The following ZFHX3 variants were observed in gnomAD, a reference collection of about 807,000 sequenced individuals.
ZFHX3 encodes the protein zinc finger homeobox protein 3.
Under a neutral mutation model 279.1 loss-of-function variants are expected in ZFHX3, and 42 were observed. The observed-to-expected ratio is 0.15, with a 90% CI of 0.12 to 0.19. The LOEUF (loss-of-function observed/expected upper bound fraction) is 0.19, where lower values mean the gene tolerates loss of function less well. ZFHX3 is among the 10% of genes least tolerant of loss of function. The pLI is 1.00. For missense variants in ZFHX3, 4,981 were observed against 4,754.0 expected, an observed-to-expected ratio of 1.05 and a Z score of -1.40; for synonymous variants, 2,293 against 1,957.8, an observed-to-expected ratio of 1.17 and a Z score of -4.52.
chr16:73,881,993 C>T (rs565459572), intron 1 of ZFHX3, among the ~76,000 whole-genome samples: 2 of 152,140 alleles, frequency 1.3e-5, no homozygotes, highest in South Asian at 2.1e-4. Context: ...TAACTTTTAT[C>T]GTCAGTTGCT....
chr16:73,891,347 C>CACGTGTCAGCA (rs2030531579), intron 1 of ZFHX3, among the ~76,000 whole-genome samples: 1 of 152,056 alleles, frequency 6.6e-6, no homozygotes, highest in African/African-American at 2.4e-5. Context: ...TACACACATA[C>CACGTGTCAGCA]ACGTGTCAGC....
At chr16:73,312,782 A>G (rs1406534615) in intron 4 of ZFHX3, among the ~76,000 whole-genome samples, 1 of 152,256 alleles carries the variant, frequency 6.6e-6, no homozygotes, top group Non-Finnish European at 1.5e-5. Context: ...GTCAACAGCT[A>G]GTTAATGTAT....
intron 3 of ZFHX3, among the ~76,000 whole-genome samples, chr16:72,948,825 T>C (rs1249953878): frequency 6.6e-6 from 1 of 152,196 alleles, no homozygotes. Flanking sequence ...GGTTTTTCCA[T>C]CAGGTTTTCT....
chr16:73,250,122 C>T (rs771282471), intron 5 of ZFHX3, among the ~76,000 whole-genome samples: 6 of 152,196 alleles, frequency 3.9e-5, no homozygotes, highest in Non-Finnish European at 7.3e-5. Flanking sequence ...TGTACTTTCC[C>T]CACAAGTCTG....
intron 2 of ZFHX3, among the ~76,000 whole-genome samples, chr16:73,494,549 A>G (rs968849355): frequency 6.6e-6 from 1 of 151,856 alleles, no homozygotes; most frequent in Non-Finnish European, 1.5e-5. Context: ...CAACCCAGGG[A>G]CAAACTATGG....
chr16:73,210,392 A>C (rs1174305116), intron 5 of ZFHX3, among the ~76,000 whole-genome samples: 1 of 152,110 alleles, frequency 6.6e-6, no homozygotes, highest in Non-Finnish European at 1.5e-5. Flanking sequence ...ATTCAAAGAC[A>C]GTTTGAAAAA....
intron 3 of ZFHX3, among the ~76,000 whole-genome samples, chr16:72,897,721 G>GT (rs1315941171): frequency 6.6e-6 from 1 of 151,662 alleles, no homozygotes; most frequent in Middle Eastern, 3.2e-3. Flanking sequence ...GATTATAGAT[G>GT]TAAGTCACCG....
chr16:73,292,210 G>C (rs1246967746), intron 4 of ZFHX3, among the ~76,000 whole-genome samples: 1 of 152,202 alleles, frequency 6.6e-6, no homozygotes, highest in Non-Finnish European at 1.5e-5. Flanking sequence ...AGAGAAAGAA[G>C]TGGAATCAGG....
chr16:72,792,483 G>C (rs1416317767), intron 9 of ZFHX3, among the ~76,000 whole-genome samples: 1 of 151,510 alleles, frequency 6.6e-6, no homozygotes. Context: ...TTTTGAGACA[G>C]TCTCGCTGTG....
At chr16:73,505,327 A>C (rs575581709) in intron 2 of ZFHX3, among the ~76,000 whole-genome samples, 11 of 152,292 alleles carry the variant, frequency 7.2e-5, no homozygotes, top group Non-Finnish European at 1.5e-4. Context: ...CGCCTCCCTG[A>C]GAAAGCTTAC....
intron 3 of ZFHX3, among the ~76,000 whole-genome samples, chr16:73,341,072 G>A (rs1257025705): frequency 6.6e-6 from 1 of 152,308 alleles, no homozygotes; most frequent in African/African-American, 2.4e-5. Context: ...GCCGGATGCG[G>A]TGGCTCACAC....
Position 72,788,066 on chromosome 16 carries a change from G to C in ZFHX3, c.10210C>G (p.Pro3404Ala), listed in dbSNP as rs150064087. The change falls in exon 10 of 10, where the codon CCC becomes GCC. Residue 3404 changes from proline (P) to alanine (A), a missense_variant. This residue lies in a region of ZFHX3 where 1,034 missense variants were observed against 786.0 expected (regional missense o/e 1.32). Coordinates refer to ENST00000268489, the MANE Select transcript of ZFHX3 (RefSeq NM_006885.4). Reference sequence around the variant, plus strand: ...TTGTCTGGGGAAGGAGCCCCGGGGGGGACTGGGGTTTGGCTTGCTTTGGGC... The same window carrying C: ...TTGTCTGGGGAAGGAGCCCCGGGGGCGACTGGGGTTTGGCTTGCTTTGGGC... ...QQPKASQTPV[P>A]PGAPSPDKDP... 3.7e-6 allele frequency: 6 copies of C among 1,611,766 alleles called. No homozygotes were observed. Among genetic ancestry groups the C allele is most frequent in the African/African-American group, 2.7e-5 (2 of 74,874 alleles).
At position 73,814,524 on chromosome 16, in the gene ZFHX3, T is replaced by C. The variant is rs149582259; in HGVS notation, c.-1608+77127A>G. On this transcript the variant is annotated intron_variant, in intron 1 of 17. Transcript: ENST00000641206. ...ATACAAATTTTAAAATACGTGATAGTTGTTTAAGAAAGCTTAACACAATCT... is the reference window on the plus strand; with the variant it reads ...ATACAAATTTTAAAATACGTGATAGCTGTTTAAGAAAGCTTAACACAATCT... Among the ~76,000 whole-genome samples the C allele has an allele frequency of 6.7e-3, 1,018 of 152,278 alleles. 10 individuals are homozygous for C. The highest frequency in any genetic ancestry group is 0.011 in the Non-Finnish European group (768 of 68,028).
chr16:73,239,097 C>G (rs1269372002), intron 5 of ZFHX3, among the ~76,000 whole-genome samples: 2 of 152,262 alleles, frequency 1.3e-5, no homozygotes, highest in East Asian at 3.9e-4. Flanking sequence ...CAGCACAGAT[C>G]CCAAAATAAA....
At chr16:73,013,043 G>A (rs1480522633) in intron 1 of ZFHX3, among the ~76,000 whole-genome samples, 1 of 152,140 alleles carries the variant, frequency 6.6e-6, no homozygotes, top group Non-Finnish European at 1.5e-5. Context: ...CTAGCAACTG[G>A]ACATTTCATC....
chr16:73,657,083 A>C (rs550672795), intron 2 of ZFHX3, among the ~76,000 whole-genome samples: 6 of 152,374 alleles, frequency 3.9e-5, no homozygotes, highest in African/African-American at 1.4e-4. Flanking sequence ...TAGTATACAA[A>C]CATACAAAAA....
At chr16:73,415,314 T>C (rs1421144640) in intron 3 of ZFHX3, among the ~76,000 whole-genome samples, 3 of 152,220 alleles carry the variant, frequency 2.0e-5, no homozygotes, top group African/African-American at 7.2e-5. Flanking sequence ...GCATGTTTTG[T>C]GAGCTTTATA....
chr16:73,424,625 A>T (rs2017777342), intron 3 of ZFHX3, among the ~76,000 whole-genome samples: 1 of 151,946 alleles, frequency 6.6e-6, no homozygotes, highest in South Asian at 2.1e-4. Context: ...ATGGTGGTCC[A>T]TGCTTATAGT....
At chr16:73,565,943 T>C (rs746694829) in intron 2 of ZFHX3, among the ~76,000 whole-genome samples, 7 of 152,116 alleles carry the variant, frequency 4.6e-5, no homozygotes, top group African/African-American at 7.2e-5. Context: ...ACATAAAAAT[T>C]TGGGCCGGGA....
Sources: allele counts gnomAD v4.1 joint callset (sites outside exome capture counted in the v4.1 genomes callset), GRCh38; gene constraint gnomAD v4.1.1; regional missense constraint gnomAD v4.1.1; transcripts MANE v1.5; gene names NCBI Gene and HGNC (gene_info 2026-07-23, HGNC 2026-07-21).